The following AGO1 variants were observed in gnomAD, a reference collection of about 807,000 sequenced individuals.
AGO1 encodes protein argonaute-1.
In AGO1, 11 loss-of-function variants were observed where a neutral mutation model predicts 109.2. The observed-to-expected ratio is 0.10, with a 90% CI of 0.06 to 0.17. AGO1 has a LOEUF of 0.17. Among genes scored for constraint, AGO1 ranks in the 10% least tolerant of loss-of-function variants. The pLI is 1.00. For synonymous variants in AGO1, 422 were observed against 418.6 expected (o/e 1.01, Z -0.10); for missense variants, 574 against 1,140.3 (o/e 0.50, Z 7.15).
chr1:35,909,670 A>G (rs939615697), intron 12 of AGO1, among the ~76,000 whole-genome samples: 1 of 152,184 alleles, frequency 6.6e-6, no homozygotes, highest in Admixed American at 6.5e-5. Context: ...CAGGCCACTG[A>G]TCAGTTACTA....
rs1239255916 is a variant in AGO1, at chr1:35,883,267, A to G, written c.-155A>G. 5.3e-5 allele frequency: 72 copies of G among 1,370,962 alleles called. No homozygotes were observed. Among genetic ancestry groups the G allele is most frequent in the Non-Finnish European group, 6.3e-5 (67 of 1,061,010 alleles). The allele number at this position is 1,370,962 out of a possible 1,614,324, so 84.9% of individuals were successfully genotyped here. A position where few individuals can be genotyped will look rare whatever the true frequency, so the allele number is the denominator to read the frequency against. ...TGCTGCAGGCTCCGCGGCGGCGGCA[A>G]CGGAGGCTGCGGGGGCGGCGGCGCG... On this transcript the variant is annotated 5_prime_UTR_variant, in exon 1 of 19. Transcript: ENST00000373204. The surrounding 1 kb of genome is among the most constrained non-coding windows in gnomAD (Gnocchi z 5.4).
At position 35,904,635 on chromosome 1, in the gene AGO1, A is replaced by G. The variant is rs1398241125; in HGVS notation, c.1397+2298A>G. Among the ~76,000 whole-genome samples the G allele has an allele frequency of 2.0e-5, 3 of 152,222 alleles. No individual in the cohort carries two copies. In the East Asian group the frequency reaches 5.8e-4, roughly 29 times the overall value. On this transcript the variant is annotated intron_variant, in intron 11 of 18. Coordinates refer to ENST00000373204, the MANE Select transcript of AGO1 (RefSeq NM_012199.5). Reference sequence around the variant, plus strand: ...CAGAAACTCAAACTTGGAAGAGTTTATCAGTGACACCTAGTTGTAAGGGGT... The same window carrying G: ...CAGAAACTCAAACTTGGAAGAGTTTGTCAGTGACACCTAGTTGTAAGGGGT...
Position 35,901,844 on chromosome 1 carries a change from G to T in AGO1, c.1141-104G>T. 1 of 1,481,038 alleles carries T rather than the reference G, an allele frequency of 6.8e-7. No homozygotes were observed. The highest frequency in any genetic ancestry group is 1.9e-4 in the Middle Eastern group (1 of 5,150). 91.7% of individuals were successfully genotyped at this position (1,481,038 alleles called of 1,614,324 possible). A position where few individuals can be genotyped will look rare whatever the true frequency, so the allele number is the denominator to read the frequency against. ...TTCTCTCTCTTTTTAGGACTATTCCGTACCAACCCCAGCTTCTCCTTAGGG... is the reference window on the plus strand; with the variant it reads ...TTCTCTCTCTTTTTAGGACTATTCCTTACCAACCCCAGCTTCTCCTTAGGG... On this transcript the variant is annotated intron_variant, in intron 9 of 18. Transcript: ENST00000373204. The surrounding 1 kb of genome is among the most constrained non-coding windows in gnomAD (Gnocchi z 4.8).
In AGO1 at chr1:35,924,829, A is replaced by G. The variant is rs976189008; in HGVS notation, c.*5222A>G. On this transcript the variant is annotated 3_prime_UTR_variant, in exon 19 of 19. Transcript: ENST00000373204. ...TTTGAAGAAACAGAATGTTGTATAGACTGAGTTTTGAGGTGTTTGTGGGGC... is the reference window on the plus strand; with the variant it reads ...TTTGAAGAAACAGAATGTTGTATAGGCTGAGTTTTGAGGTGTTTGTGGGGC... 1 of 152,132 alleles carries G rather than the reference A, an allele frequency of 6.6e-6. No homozygotes were observed. The highest frequency in any genetic ancestry group is 2.4e-5 in the African/African-American group (1 of 41,382). 9.4% of individuals were successfully genotyped at this position (152,132 alleles called of 1,614,324 possible). A position where few individuals can be genotyped will look rare whatever the true frequency, so the allele number is the denominator to read the frequency against.
intron 12 of AGO1, among the ~76,000 whole-genome samples, chr1:35,908,818 T>C (rs1015102322): frequency 7.7e-6 from 1 of 129,410 alleles, no homozygotes; most frequent in African/African-American, 2.8e-5. Context: ...TAACCTTCCT[T>C]TTTTTTTTTT....
At chr1:35,903,605 T>G (rs1461036151) in intron 11 of AGO1, among the ~76,000 whole-genome samples, 1 of 151,178 alleles carries the variant, frequency 6.6e-6, no homozygotes, top group African/African-American at 2.4e-5. Flanking sequence ...CCTGTAGTCC[T>G]GGCTACTCAG....
At chr1:35,913,713 T>G in intron 12 of AGO1, 129 bp from the exon 13 acceptor site, 239 of 880,140 alleles carry the variant, frequency 2.7e-4, no homozygotes, top group Non-Finnish European at 3.8e-4. Context: ...GTAAGCACTT[T>G]GAGAGTAAGG....
At chr1:35,908,802 G>A (rs1051945767) in intron 12 of AGO1, among the ~76,000 whole-genome samples, 1 of 149,506 alleles carries the variant, frequency 6.7e-6, no homozygotes, top group Non-Finnish European at 1.5e-5. Flanking sequence ...CTTCTCAACT[G>A]AGTTCTAACC....
rs1327559774 is a variant in AGO1, at chr1:35,893,136, C to T, written c.370C>T (p.Arg124Ter). Residue 124 changes from arginine to a stop codon, truncating the protein, a stop_gained, in exon 4 of 19, where the codon CGA (arginine) becomes TGA (stop). Transcript: ENST00000373204. LOFTEE classifies it high-confidence loss of function. This position sits in a 1 kb window ranked among gnomAD's most constrained non-coding sequence, Gnocchi z 5.6. Reference protein sequence around the residue: ...EVTIPGEGKDRIFKVSIKWLA... With the variant: ...EVTIPGEGKD ...GACAATCCCTGGGGAAGGGAAGGAT[C>T]GAATCTTTAAGGTCTCCATCAAGTG... 1 of 1,614,060 alleles carries T rather than the reference C, an allele frequency of 6.2e-7. No individual in the cohort carries two copies. Among genetic ancestry groups the T allele is most frequent in the Non-Finnish European group, 8.5e-7 (1 of 1,180,000 alleles).
rs140114308 is a variant in AGO1, at chr1:35,886,781, A to G, written c.26-1646A>G. 4.8e-3 allele frequency among the ~76,000 whole-genome samples: 726 copies of G among 152,218 alleles called. 7 individuals carry two copies. Among genetic ancestry groups the G allele is most frequent in the Non-Finnish European group, 7.6e-3 (519 of 68,010 alleles). On this transcript the variant is annotated intron_variant, in intron 1 of 18. Transcript: ENST00000373204. ...GCTTGTGTGTTTTTGTGGTGTGTCT[A>G]TGGATATGTTTGTTCATTCATTTCA...
intron 8 of AGO1, among the ~76,000 whole-genome samples, chr1:35,897,662 T>C (rs920863053): frequency 6.6e-6 from 1 of 152,068 alleles, no homozygotes; most frequent in African/African-American, 2.4e-5. Context: ...GAAGCATTGC[T>C]TGAACCCAGT....
At chr1:35,879,030 C>CA (rs777359104), upstream of AGO1, among the ~76,000 whole-genome samples, 15 of 152,102 alleles carry the variant, frequency 9.9e-5, no homozygotes, top group Non-Finnish European at 1.9e-4. Context: ...GCCCACACAG[C>CA]AGAGGCCCTT....
intron 2 of AGO1, among the ~76,000 whole-genome samples, chr1:35,890,538 A>G (rs898433976): frequency 1.3e-5 from 2 of 152,204 alleles, no homozygotes; most frequent in Admixed American, 6.5e-5. Flanking sequence ...TGGCTGTAAT[A>G]TAACTTATGT....
rs1645918116 is a variant in AGO1 at position 35,925,934 on chromosome 1, G to GC, written c.*6328dup. 6.6e-6 allele frequency: 1 copy of GC among 152,170 alleles called. No homozygotes were observed. Among genetic ancestry groups the GC allele is most frequent in the Non-Finnish European group, 1.5e-5 (1 of 68,022 alleles). 9.4% of individuals were successfully genotyped at this position (152,170 alleles called of 1,614,324 possible). A position where few individuals can be genotyped will look rare whatever the true frequency, so the allele number is the denominator to read the frequency against. On this transcript the variant is annotated 3_prime_UTR_variant, in exon 19 of 19. Transcript: ENST00000373204. ...GCCAGTGTGTACATACGTGGACCTA[G>GC]CATTCCTCTGGAGGCCAAGTGTTGT...
chr1:35,885,446 G>A (rs1645105837), intron 1 of AGO1, among the ~76,000 whole-genome samples: 4 of 152,214 alleles, frequency 2.6e-5, no homozygotes, highest in Admixed American at 2.0e-4. Context: ...AAGCCGAATA[G>A]GACAGGCTTT....
At position 35,919,663 on chromosome 1, in the gene AGO1, T is replaced by G. The variant is rs965243292; in HGVS notation, c.*56T>G. ...AGAAAGCTTTCCAAGCCCCAGGAGC[T>G]GTGCCACCCAAATCCAGAGGAAGCA... is the stretch of plus-strand genomic sequence containing the variant. On this transcript the variant is annotated 3_prime_UTR_variant, in exon 19 of 19. Transcript: ENST00000373204. The surrounding 1 kb of genome is among the most constrained non-coding windows in gnomAD (Gnocchi z 6.6). 1.3e-6 allele frequency: 2 copies of G among 1,529,284 alleles called. No homozygotes were observed. The highest frequency in any genetic ancestry group is 2.7e-5 in the African/African-American group (2 of 73,378). The allele number at this position is 1,529,284 out of a possible 1,614,324, so 94.7% of individuals were successfully genotyped here. A position where few individuals can be genotyped will look rare whatever the true frequency, so the allele number is the denominator to read the frequency against.
upstream of AGO1, among the ~76,000 whole-genome samples, chr1:35,878,638 G>T (rs138026185): frequency 6.6e-6 from 1 of 152,052 alleles, no homozygotes; most frequent in African/African-American, 2.4e-5. Flanking sequence ...ATTATTTTCC[G>T]TCCAGGAACT....
chr1:35,912,762 C>T lies in AGO1; in HGVS notation c.1583-1080C>T, dbSNP rs1433193813. 4.0e-5 allele frequency among the ~76,000 whole-genome samples: 6 copies of T among 151,684 alleles called. No homozygotes were observed. The South Asian group carries it at 6.3e-4, about 16-fold the overall frequency. ...CTAATTTTTGTATTTTTAGTAGATA[C>T]GGGGTTTCACCATGTTGGCCAGGCT... is the stretch of plus-strand genomic sequence containing the variant. On this transcript the variant is annotated intron_variant, in intron 12 of 18. Transcript: ENST00000373204.
At position 35,883,248 on chromosome 1, in the gene AGO1, A is replaced by G; in HGVS notation, c.-174A>G. On this transcript the variant is annotated 5_prime_UTR_variant, in exon 1 of 19. Transcript: ENST00000373204. This position sits in a 1 kb window ranked among gnomAD's most constrained non-coding sequence, Gnocchi z 5.4. ...GGGCGCTCGCAGTGGGAGCTGCTGC[A>G]GGCTCCGCGGCGGCGGCAACGGAGG... The G allele has an allele frequency of 3.0e-6, 4 of 1,331,868 alleles. No homozygotes were observed. Among genetic ancestry groups the G allele is most frequent in the Non-Finnish European group, 1.9e-6 (2 of 1,039,664 alleles). The allele number at this position is 1,331,868 out of a possible 1,614,324, so 82.5% of individuals were successfully genotyped here.
Sources: allele counts gnomAD v4.1 joint callset (sites outside exome capture counted in the v4.1 genomes callset), GRCh38; gene constraint gnomAD v4.1.1; non-coding constraint Gnocchi (gnomAD v3.1); transcripts MANE v1.5; gene names NCBI Gene and HGNC (gene_info 2026-07-23, HGNC 2026-07-21).